LYZL1: variants seen among roughly 807,000 people sequenced by gnomAD.
LYZL1 encodes the protein lysozyme like 1.
LYZL1 carries 16 observed loss-of-function variants against 17.9 expected under a neutral mutation model. That is an observed-to-expected ratio of 0.90 (90% CI 0.61 to 1.36). The LOEUF (loss-of-function observed/expected upper bound fraction) is 1.36, where lower values mean the gene tolerates loss of function less well. LYZL1 is among the 40% of genes most tolerant of loss of function. The probability of loss-of-function intolerance (pLI) is 0.00; values close to 1 mark genes in which losing one functional copy is unlikely to be tolerated. For synonymous variants in LYZL1, 58 were observed against 71.8 expected (o/e 0.81, Z 0.97); for missense variants, 149 against 188.4 (o/e 0.79, Z 1.22).
intron 1 of LYZL1, among the ~76,000 whole-genome samples, chr10:29,290,736 G>A (rs1365986869): frequency 6.6e-6 from 1 of 152,142 alleles, no homozygotes. Context: ...CTACTCAGGA[G>A]GCTGAGGCAG....
chr10:29,309,277 C>A (rs1350144489), intron 3 of LYZL1, among the ~76,000 whole-genome samples: 1 of 146,280 alleles, frequency 6.8e-6, no homozygotes, highest in Middle Eastern at 4.1e-3. Context: ...TGCAGTGAGC[C>A]GAGACTATGC....
At chr10:29,304,147 T>G (rs1318540898) in intron 3 of LYZL1, among the ~76,000 whole-genome samples, 1 of 152,140 alleles carries the variant, frequency 6.6e-6, no homozygotes, top group Non-Finnish European at 1.5e-5. Flanking sequence ...CCTAAACTAT[T>G]TGGACAGAAA....
At chr10:29,313,446 C>A (rs1835695774), downstream of LYZL1, among the ~76,000 whole-genome samples, 1 of 152,196 alleles carries the variant, frequency 6.6e-6, no homozygotes, top group Non-Finnish European at 1.5e-5. Flanking sequence ...AACCTGGCAC[C>A]AGCCATTCAA....
intron 3 of LYZL1, among the ~76,000 whole-genome samples, chr10:29,296,461 A>C (rs1835447683): frequency 6.6e-6 from 1 of 152,228 alleles, no homozygotes; most frequent in Non-Finnish European, 1.5e-5. Flanking sequence ...CTTAAGGAGT[A>C]GTTAGAACAT....
chr10:29,305,379 A>G (rs547544685), intron 3 of LYZL1, among the ~76,000 whole-genome samples: 61 of 152,322 alleles, frequency 4.0e-4, no homozygotes, highest in Admixed American at 1.2e-3. Context: ...CTTCTGTTGG[A>G]AGAAGAGATC....
At chr10:29,299,653 C>CTT (rs889542675) in intron 3 of LYZL1, among the ~76,000 whole-genome samples, 2 of 152,128 alleles carry the variant, frequency 1.3e-5, no homozygotes, top group Non-Finnish European at 2.9e-5. Flanking sequence ...TGAATTGACC[C>CTT]TTTTGTCACT....
downstream of LYZL1, chr10:29,311,235 T>C (rs1835668982): frequency 6.7e-7 from 1 of 1,498,666 alleles, no homozygotes; most frequent in African/African-American, 1.4e-5. Flanking sequence ...CTTCACCCCG[T>C]CTCAGTTCCA....
chr10:29,303,268 C>G (rs989665766), intron 3 of LYZL1, among the ~76,000 whole-genome samples: 4 of 152,284 alleles, frequency 2.6e-5, no homozygotes, highest in African/African-American at 9.6e-5. Flanking sequence ...TGATGTCTGT[C>G]TCCTCCTCTT....
At position 29,292,667 on chromosome 10, in the gene LYZL1, C is replaced by T. The variant is rs192018509; in HGVS notation, c.288C>T (p.Val96=). The T allele has an allele frequency of 9.3e-6, 15 of 1,613,520 alleles. No individual in the cohort carries two copies. In the Admixed American group the frequency reaches 1.2e-4, roughly 13 times the overall value. ...GKLKENNHCH[V]ACSALITDDL... ...TGAAGGAGAACAACCACTGCCATGTCGCCTGCTCAGGTGAGGCTCTGACTT... is the reference window on the plus strand; with the variant it reads ...TGAAGGAGAACAACCACTGCCATGTTGCCTGCTCAGGTGAGGCTCTGACTT... The change falls in exon 3 of 5, where the codon GTC becomes GTT. Residue 96 remains valine, a synonymous_variant. Transcript: ENST00000649382.
In LYZL1 at chr10:29,293,133, TC is replaced by T. The variant is rs201365736; in HGVS notation, c.298+457del. 7.7e-5 allele frequency among the ~76,000 whole-genome samples: 10 copies of T among 129,714 alleles called. 1 individual carries two copies. The highest frequency in any genetic ancestry group is 2.1e-4 in the East Asian group (1 of 4,726). The allele number at this position is 129,714 out of a possible 152,430, so 85.1% of individuals were successfully genotyped here. A position where few individuals can be genotyped will look rare whatever the true frequency, so the allele number is the denominator to read the frequency against. ...TTTTTTTTTCTTTTCTTTTCTTTTT[TC>T]TTTTTTTTTTTTTTTTGAGACAGGG... On this transcript the variant is annotated intron_variant, in intron 3 of 4. Coordinates refer to ENST00000649382, the MANE Select transcript of LYZL1 (RefSeq NM_032517.6).
intron 3 of LYZL1, among the ~76,000 whole-genome samples, chr10:29,300,617 G>A (rs1440641417): frequency 1.3e-5 from 2 of 152,076 alleles, no homozygotes; most frequent in Non-Finnish European, 2.9e-5. Context: ...TTTATTTGGG[G>A]AAGTAGTCAA....
Position 29,292,597 on chromosome 10 carries a change from G to C in LYZL1, c.218G>C (p.Gly73Ala), listed in dbSNP as rs1835386187. The C allele has an allele frequency of 2.5e-6, 4 of 1,614,134 alleles. No individual in the cohort carries two copies. Among genetic ancestry groups the C allele is most frequent in the Non-Finnish European group, 3.4e-6 (4 of 1,179,970 alleles). Residue 73 changes from glycine (G) to alanine (A), a missense_variant, in exon 3 of 5, where the codon GGC (glycine) becomes GCC (alanine). Around this residue, in one of 2 missense-constraint regions of LYZL1, gnomAD observed 130 missense variants for 132.5 expected, o/e 0.98. Coordinates refer to ENST00000649382, the MANE Select transcript of LYZL1 (RefSeq NM_032517.6). ...CTGGATGACGGCAGCATCGACTATG[G>C]CATCTTCCAGATCAACAGCTTCGCG... ...TVLDDGSIDY[G>A]IFQINSFAWC...
chr10:29,316,750 T>A (rs1835737887), intron 3 of LYZL1, among the ~76,000 whole-genome samples: 1 of 150,600 alleles, frequency 6.6e-6, no homozygotes, highest in African/African-American at 2.4e-5. Context: ...TCTTACTCTG[T>A]CACCAGGCTA....
chr10:29,290,729 C>T (rs1835351622), intron 1 of LYZL1, among the ~76,000 whole-genome samples: 1 of 152,020 alleles, frequency 6.6e-6, no homozygotes, highest in East Asian at 1.9e-4. Context: ...ATCCCAGCTA[C>T]TCAGGAGGCT....
exon 5 of LYZL1, chr10:29,318,321 A>G (rs1835753881): frequency 6.4e-6 from 2 of 314,396 alleles, no homozygotes; most frequent in African/African-American, 4.5e-5. Context: ...GCCCAGATTC[A>G]TAAGTAATCT....
At chr10:29,312,385 T>A (rs760519696), downstream of LYZL1, among the ~76,000 whole-genome samples, 60 of 152,264 alleles carry the variant, frequency 3.9e-4, no homozygotes, top group Non-Finnish European at 7.8e-4. Context: ...AGATTTTTTT[T>A]TTTTGTGATT....
At chr10:29,315,596 T>A (rs1273912221), downstream of LYZL1, among the ~76,000 whole-genome samples, 1 of 152,076 alleles carries the variant, frequency 6.6e-6, no homozygotes, top group Non-Finnish European at 1.5e-5. Flanking sequence ...CTCATGCCTG[T>A]AATCCTAACA....
chr10:29,292,971 G>T (rs1280702984), intron 3 of LYZL1, among the ~76,000 whole-genome samples: 2 of 152,140 alleles, frequency 1.3e-5, no homozygotes, highest in Admixed American at 1.3e-4. Flanking sequence ...GATGTCTTCA[G>T]TAAGAAAAAG....
chr10:29,303,470 G>A (rs1340022675), intron 3 of LYZL1, among the ~76,000 whole-genome samples: 5 of 152,130 alleles, frequency 3.3e-5, no homozygotes, highest in African/African-American at 4.8e-5. Context: ...ACAGTGGGAA[G>A]AGAAATCTGT....
Sources: gnomAD v4.1 joint callset for allele counts (sites outside exome capture counted in the v4.1 genomes callset) on GRCh38, gnomAD v4.1.1 for gene constraint, gnomAD v4.1.1 regional missense constraint, MANE v1.5 for transcripts, NCBI Gene and HGNC (gene_info 2026-07-23, HGNC 2026-07-21) for gene names.